The following GNG4 variants were observed in gnomAD, a reference collection of about 807,000 sequenced individuals.
GNG4 encodes G protein subunit gamma 4.
A neutral mutation model predicts 5.8 loss-of-function variants in GNG4; 4 were observed. That is an observed-to-expected ratio of 0.69 (90% CI 0.34 to 1.57). The LOEUF (loss-of-function observed/expected upper bound fraction) is 1.57. Among genes scored for constraint, GNG4 ranks in the 40% most tolerant of loss-of-function variants. GNG4 has a pLI of 0.06. For missense variants in GNG4, 96 were observed against 95.1 expected (o/e 1.01, Z -0.04); for synonymous variants, 29 against 32.9 (o/e 0.88, Z 0.41).
chr1:235,573,778 A>T (rs551888508), intron 3 of GNG4, among the ~76,000 whole-genome samples: 12 of 152,106 alleles, frequency 7.9e-5, no homozygotes, highest in Non-Finnish European at 1.5e-4. Flanking sequence ...TTCCATCTCA[A>T]AAAAAAGGAA....
chr1:235,615,715 C>A, intron 1 of GNG4: 1 of 239,980 alleles, frequency 4.2e-6, no homozygotes, highest in Non-Finnish European at 8.7e-6. Context: ...AGCCATTATG[C>A]CTCTGAGAGG....
At chr1:235,603,789 C>T (rs1277368615) in intron 1 of GNG4, among the ~76,000 whole-genome samples, 8 of 152,162 alleles carry the variant, frequency 5.3e-5, no homozygotes, top group African/African-American at 1.9e-4. Context: ...AGGAAGAGCA[C>T]GCGGGGTCCG....
intron 3 of GNG4, among the ~76,000 whole-genome samples, chr1:235,573,254 A>C (rs991887943): frequency 3.4e-5 from 5 of 146,564 alleles, no homozygotes; most frequent in African/African-American, 1.0e-4. Context: ...GCATGTTCTC[A>C]CTCATAGGTG....
intron 2 of GNG4, among the ~76,000 whole-genome samples, chr1:235,593,923 G>A (rs541034548): frequency 2.0e-5 from 3 of 152,298 alleles, no homozygotes; most frequent in African/African-American, 7.2e-5. Flanking sequence ...GCGTGCATGG[G>A]GACCCAAGCA....
intron 1 of GNG4, among the ~76,000 whole-genome samples, chr1:235,597,284 G>A (rs1688144576): frequency 6.6e-6 from 1 of 152,164 alleles, no homozygotes; most frequent in African/African-American, 2.4e-5. Context: ...TTGCTCCCCT[G>A]GCTAAAATGG....
intron 1 of GNG4, among the ~76,000 whole-genome samples, chr1:235,596,196 C>CAAAT (rs1421334303): frequency 8.0e-6 from 1 of 124,920 alleles, no homozygotes; most frequent in Non-Finnish European, 1.6e-5. Flanking sequence ...AAAACAAAAA[C>CAAAT]AAACAAACAA....
chr1:235,593,326 G>C (rs1040971411), intron 2 of GNG4, among the ~76,000 whole-genome samples: 6 of 152,206 alleles, frequency 3.9e-5, no homozygotes, highest in Non-Finnish European at 8.8e-5. Flanking sequence ...GGAGACCAAT[G>C]CAAGGCGGTT....
At chr1:235,641,743 G>C (rs187696356) in intron 1 of GNG4, among the ~76,000 whole-genome samples, 1 of 152,078 alleles carries the variant, frequency 6.6e-6, no homozygotes, top group East Asian at 1.9e-4. Context: ...TCACCTGTTG[G>C]CTCCACGTGC....
chr1:235,640,500 T>C lies in GNG4; in HGVS notation c.-123+9162A>G, dbSNP rs148406393. Among the ~76,000 whole-genome samples, 63 of 152,322 alleles carry C rather than the reference T, an allele frequency of 4.1e-4. No individual in the cohort carries two copies. In the East Asian group the frequency reaches 0.012, roughly 29 times the overall value. On this transcript the variant is annotated intron_variant, in intron 1 of 3. Transcript: ENST00000391854. ...TCTACCTTAGGCTTTATACACAGAC[T>C]GTGCTACAAGTAAATGGTTCTCAAA...
chr1:235,608,136 C>A (rs930859827), intron 1 of GNG4, among the ~76,000 whole-genome samples: 1 of 151,966 alleles, frequency 6.6e-6, no homozygotes, highest in African/African-American at 2.4e-5. Context: ...CACGGTTTGA[C>A]CTTGTTGGCC....
chr1:235,618,666 T>A (rs956337066), intron 1 of GNG4, among the ~76,000 whole-genome samples: 1 of 151,706 alleles, frequency 6.6e-6, no homozygotes, highest in Non-Finnish European at 1.5e-5. Flanking sequence ...TTTTGTTTTT[T>A]TTTTTTTGAG....
chr1:235,625,027 C>T (rs1688780949), intron 1 of GNG4, among the ~76,000 whole-genome samples: 3 of 152,182 alleles, frequency 2.0e-5, no homozygotes, highest in Non-Finnish European at 4.4e-5. Flanking sequence ...TGGATGCGGG[C>T]AGCTGCCAAG....
intron 3 of GNG4, among the ~76,000 whole-genome samples, chr1:235,557,853 T>C (rs1361686963): frequency 6.6e-6 from 1 of 152,182 alleles, no homozygotes; most frequent in African/African-American, 2.4e-5. Context: ...GAGTAACTTC[T>C]TCCCTTACAG....
chr1:235,563,801 A>C (rs1474268476), intron 3 of GNG4, among the ~76,000 whole-genome samples: 2 of 152,184 alleles, frequency 1.3e-5, no homozygotes, highest in Non-Finnish European at 2.9e-5. Flanking sequence ...AGTGGTCCTG[A>C]CTAGAAGGTT....
intron 3 of GNG4, among the ~76,000 whole-genome samples, chr1:235,564,187 G>A (rs961595532): frequency 6.6e-5 from 10 of 152,098 alleles, no homozygotes; most frequent in African/African-American, 2.2e-4. Flanking sequence ...AATGCCACAC[G>A]TTCTCATTTA....
At chr1:235,628,677 C>T (rs115421806) in intron 1 of GNG4, among the ~76,000 whole-genome samples, 8 of 152,168 alleles carry the variant, frequency 5.3e-5, no homozygotes, top group Non-Finnish European at 7.3e-5. Flanking sequence ...CTTCGATTTG[C>T]GTTTTAAAAC....
intron 3 of GNG4, among the ~76,000 whole-genome samples, chr1:235,582,296 GC>G (rs1687657244): frequency 6.6e-6 from 1 of 152,078 alleles, no homozygotes; most frequent in Admixed American, 6.6e-5. Context: ...TGTGCATGGC[GC>G]CCTCCTCCCA....
chr1:235,561,033 C>T (rs1039564474), intron 3 of GNG4, among the ~76,000 whole-genome samples: 26 of 152,210 alleles, frequency 1.7e-4, no homozygotes, highest in African/African-American at 5.3e-4. Flanking sequence ...TCTTTTGAGA[C>T]GGAGTCTCAC....
intron 2 of GNG4, among the ~76,000 whole-genome samples, chr1:235,592,514 T>C (rs1321509223): frequency 6.6e-6 from 1 of 151,914 alleles, no homozygotes; most frequent in African/African-American, 2.4e-5. Context: ...TATCTCTAAA[T>C]AAATAAATAA....
Sources: allele counts gnomAD v4.1 joint callset (sites outside exome capture counted in the v4.1 genomes callset), GRCh38; gene constraint gnomAD v4.1.1; transcripts MANE v1.5; gene names NCBI Gene and HGNC (gene_info 2026-07-23, HGNC 2026-07-21).